EYA3: variants seen among roughly 807,000 people sequenced by gnomAD.
EYA3 encodes EYA transcriptional coactivator and phosphatase 3.
In EYA3, 39 loss-of-function variants were observed where a neutral mutation model predicts 80.0. The ratio of observed to expected loss-of-function variants is 0.49; its 90% CI spans 0.38 to 0.64. EYA3 has a LOEUF of 0.64. Ranked by LOEUF, EYA3 falls within the 30% of genes least tolerant of loss-of-function variation. The pLI is 0.00. For missense variants in EYA3, 523 were observed against 676.1 expected (o/e 0.77, Z 2.51); for synonymous variants, 206 against 232.8 (o/e 0.88, Z 1.05).
At chr1:28,063,608 A>G (rs1644723839) in intron 1 of EYA3, among the ~76,000 whole-genome samples, 1 of 152,116 alleles carries the variant, frequency 6.6e-6, no homozygotes, top group African/African-American at 2.4e-5. Flanking sequence ...TCGGCCTCTC[A>G]AAGTGCTGGG....
intron 10 of EYA3, among the ~76,000 whole-genome samples, chr1:28,007,796 T>C (rs1047268752): frequency 5.3e-5 from 8 of 152,150 alleles, no homozygotes; most frequent in Non-Finnish European, 8.8e-5. Flanking sequence ...AGACTTAATA[T>C]TGTAAAGAAG....
At chr1:28,028,739 T>C (rs767909544) in intron 6 of EYA3, among the ~76,000 whole-genome samples, 9 of 152,124 alleles carry the variant, frequency 5.9e-5, no homozygotes, top group Admixed American at 3.3e-4. Flanking sequence ...ATGTATTCAC[T>C]AATCTTCTTT....
intron 13 of EYA3, among the ~76,000 whole-genome samples, chr1:27,994,659 C>T (rs1028220874): frequency 2.0e-5 from 3 of 152,114 alleles, no homozygotes; most frequent in Non-Finnish European, 4.4e-5. Flanking sequence ...TGCACTTCAG[C>T]TTGCGGGGGG....
intron 16 of EYA3, among the ~76,000 whole-genome samples, chr1:27,982,562 C>T (rs1639380944): frequency 6.6e-6 from 1 of 150,812 alleles, no homozygotes; most frequent in South Asian, 2.1e-4. Context: ...ACATACTGTA[C>T]ATTTATCTGT....
At chr1:28,034,271 TTCAAA>T (rs1362422192) in intron 6 of EYA3, among the ~76,000 whole-genome samples, 1 of 152,092 alleles carries the variant, frequency 6.6e-6, no homozygotes, top group Non-Finnish European at 1.5e-5. Context: ...ATAATAATAA[TTCAAA>T]TCAAAACAGA....
At chr1:28,028,126 T>C (rs1642896548) in intron 6 of EYA3, among the ~76,000 whole-genome samples, 200 bp from the exon 7 acceptor site, 1 of 152,158 alleles carries the variant, frequency 6.6e-6, no homozygotes, top group South Asian at 2.1e-4. Flanking sequence ...GGGATGAGGC[T>C]AAAGAAACAA....
Position 28,009,998 on chromosome 1 carries a change from TAAGA to T in EYA3, c.909+945_909+948del, listed in dbSNP as rs1641578808. Reference sequence around the variant, plus strand: ...TAAAAAATGAGTTATCAGTTTTTCCTAAGAAATATATCAGAAATTTACTTTTTCT... The same window carrying T: ...TAAAAAATGAGTTATCAGTTTTTCCTAATATATCAGAAATTTACTTTTTCT... On this transcript the variant is annotated intron_variant, in intron 10 of 17. Transcript: ENST00000373871. This position sits in a 1 kb window ranked among gnomAD's most constrained non-coding sequence, Gnocchi z 4.8. 6.6e-6 allele frequency among the ~76,000 whole-genome samples: 1 copy of T among 152,218 alleles called. No homozygotes were observed. The highest frequency in any genetic ancestry group is 2.1e-4 in the South Asian group (1 of 4,838).
intron 16 of EYA3, among the ~76,000 whole-genome samples, chr1:27,984,445 A>T (rs1221295017): frequency 6.6e-6 from 1 of 152,064 alleles, no homozygotes; most frequent in Non-Finnish European, 1.5e-5. Context: ...TCACCTTAAG[A>T]TCACACAGAT....
rs1161416314 is a variant in EYA3 at position 28,009,745 on chromosome 1, A to G, written c.909+1202T>C. On this transcript the variant is annotated intron_variant, in intron 10 of 17. Coordinates refer to ENST00000373871, the MANE Select transcript of EYA3 (RefSeq NM_001990.4). The surrounding 1 kb of genome is among the most constrained non-coding windows in gnomAD (Gnocchi z 4.8). The stretch of plus-strand genomic sequence containing the variant: ...GTGATTCCACTTATATGAGATATCT[A>G]GAATAAGAAGTCAAAGACAGAAAGT... 6.6e-6 allele frequency among the ~76,000 whole-genome samples: 1 copy of G among 152,250 alleles called. No homozygotes were observed. Among genetic ancestry groups the G allele is most frequent in the Middle Eastern group, 3.2e-3 (1 of 316 alleles).
At chr1:28,086,290 T>C (rs1645649521) in intron 1 of EYA3, among the ~76,000 whole-genome samples, 1 of 152,076 alleles carries the variant, frequency 6.6e-6, no homozygotes, top group African/African-American at 2.4e-5. Context: ...CACAGCTCAC[T>C]GTAACCTCAA....
At chr1:27,984,579 T>C (rs562285734) in intron 16 of EYA3, among the ~76,000 whole-genome samples, 7 of 152,324 alleles carry the variant, frequency 4.6e-5, no homozygotes, top group African/African-American at 1.7e-4. Flanking sequence ...TTTTCCTATA[T>C]GGATAATCCA....
At chr1:28,020,665 A>T (rs1642369528) in intron 7 of EYA3, among the ~76,000 whole-genome samples, 1 of 86,000 alleles carries the variant, frequency 1.2e-5, no homozygotes, top group African/African-American at 4.4e-5. Context: ...AATACAGATC[A>T]TCGTGTGTGT....
intron 6 of EYA3, among the ~76,000 whole-genome samples, chr1:28,028,193 T>C (rs544636463): frequency 4.1e-4 from 62 of 152,218 alleles, no homozygotes; most frequent in African/African-American, 1.4e-3. Flanking sequence ...CTGGGGGAAA[T>C]TGACCAGGAT....
intron 2 of EYA3, 94 bp from the exon 3 acceptor site, chr1:28,048,520 TAAC>T: frequency 2.3e-6 from 2 of 876,544 alleles, no homozygotes; most frequent in Non-Finnish European, 1.8e-6. Flanking sequence ...TATTACAGGA[TAAC>T]TGTTTAATTT....
At chr1:28,025,515 G>A (rs1642724577) in intron 7 of EYA3, among the ~76,000 whole-genome samples, 1 of 152,098 alleles carries the variant, frequency 6.6e-6, no homozygotes. Flanking sequence ...CTGTGCCTCA[G>A]GCTCTCCCTC....
chr1:28,052,208 A>G (rs531860881), intron 2 of EYA3, among the ~76,000 whole-genome samples: 2 of 152,030 alleles, frequency 1.3e-5, no homozygotes, highest in Non-Finnish European at 2.9e-5. Flanking sequence ...ATGGGGTTTC[A>G]CCATGTTGGC....
intron 1 of EYA3, among the ~76,000 whole-genome samples, chr1:28,068,891 C>CCACCT (rs371919364): frequency 1.3e-5 from 2 of 152,290 alleles, no homozygotes; most frequent in African/African-American, 4.8e-5. Context: ...ACTGCAACCT[C>CCACCT]CGCCTCCTGG....
intron 17 of EYA3, among the ~76,000 whole-genome samples, chr1:27,977,838 ACT>A (rs1439855794): frequency 1.4e-5 from 2 of 139,070 alleles, no homozygotes; most frequent in East Asian, 2.2e-4. Context: ...ATAGAGTGAG[ACT>A]CTATCTCAAA....
chr1:28,059,866 G>A (rs1284665440), intron 1 of EYA3, among the ~76,000 whole-genome samples: 8 of 151,722 alleles, frequency 5.3e-5, no homozygotes, highest in East Asian at 3.9e-4. Context: ...GACTACAGGC[G>A]CGCCACCATG....
Sources: gnomAD v4.1 joint callset for allele counts (sites outside exome capture counted in the v4.1 genomes callset) on GRCh38, gnomAD v4.1.1 for gene constraint, Gnocchi (gnomAD v3.1) non-coding constraint, MANE v1.5 for transcripts, NCBI Gene and HGNC (gene_info 2026-07-23, HGNC 2026-07-21) for gene names.